PSD3: variants seen among roughly 807,000 people sequenced by gnomAD.
The protein encoded by PSD3 is PH and SEC7 domain-containing protein 3.
Under a neutral mutation model 105.5 loss-of-function variants are expected in PSD3, and 49 were observed. That is an observed-to-expected ratio of 0.46 (90% CI 0.37 to 0.59). The LOEUF (loss-of-function observed/expected upper bound fraction) is 0.59. Ranked by LOEUF, PSD3 falls within the 20% of genes least tolerant of loss-of-function variation. The pLI is 0.00. For missense variants in PSD3, 1,561 were observed against 1,263.8 expected (o/e 1.24, Z -3.57); for synonymous variants, 557 against 457.8 (o/e 1.22, Z -2.77).
In PSD3 at chr8:18,667,999, ACC is replaced by A. The variant is rs564962801; in HGVS notation, c.2173-12316_2173-12315del. ...CAAGTGTGGGGCCCGCGGAAGCCAC[ACC>A]CACCAAGAAATCGCGCTGGCCCGCA... is the stretch of plus-strand genomic sequence containing the variant. On this transcript the variant is annotated intron_variant, in intron 9 of 15. Transcript: ENST00000327040. 9.8e-5 allele frequency among the ~76,000 whole-genome samples: 15 copies of A among 152,302 alleles called. No homozygotes were observed. In the South Asian group the frequency reaches 3.1e-3, roughly 32 times the overall value.
At chr8:18,537,309 A>T (rs889975701) in intron 15 of PSD3, among the ~76,000 whole-genome samples, 25 of 152,246 alleles carry the variant, frequency 1.6e-4, no homozygotes, top group African/African-American at 5.8e-4. Flanking sequence ...TAAGGAAGAA[A>T]TGAAACTCGG....
intron 1 of PSD3, among the ~76,000 whole-genome samples, chr8:18,975,493 C>G (rs1824894001): frequency 6.6e-6 from 1 of 152,032 alleles, no homozygotes; most frequent in Non-Finnish European, 1.5e-5. Context: ...AACTATGGAA[C>G]TAGAGATAAG....
chr8:18,776,128 G>A (rs901431743), intron 8 of PSD3, among the ~76,000 whole-genome samples: 4 of 151,656 alleles, frequency 2.6e-5, no homozygotes, highest in Non-Finnish European at 5.9e-5. Context: ...TATGTTCTTG[G>A]AGCCTTTGTC....
intron 12 of PSD3, among the ~76,000 whole-genome samples, chr8:18,584,216 C>T (rs1404164467): frequency 1.3e-5 from 2 of 152,006 alleles, no homozygotes; most frequent in African/African-American, 4.8e-5. Flanking sequence ...TGGAGCCAGG[C>T]AAGTGCAATC....
At chr8:18,826,546 T>C (rs935182343) in intron 4 of PSD3, among the ~76,000 whole-genome samples, 1 of 152,212 alleles carries the variant, frequency 6.6e-6, no homozygotes, top group Non-Finnish European at 1.5e-5. Context: ...TCAAGATCTT[T>C]TGTATCTTTC....
At chr8:18,775,650 C>T (rs546973357) in intron 8 of PSD3, among the ~76,000 whole-genome samples, 14 of 152,278 alleles carry the variant, frequency 9.2e-5, no homozygotes, top group African/African-American at 3.1e-4. Context: ...AATACCTATT[C>T]AATCAAAAAT....
chr8:18,557,605 T>G (rs1801157007), intron 14 of PSD3: 1 of 153,418 alleles, frequency 6.5e-6, no homozygotes, highest in Non-Finnish European at 1.5e-5. Flanking sequence ...AAAGGTAGCA[T>G]GAACACGTGG....
intron 2 of PSD3, among the ~76,000 whole-genome samples, chr8:18,912,795 C>G (rs1363400847): frequency 2.0e-5 from 3 of 152,136 alleles, no homozygotes; most frequent in African/African-American, 7.2e-5. Flanking sequence ...CAAGCTAGTT[C>G]ATGATGGCCA....
intron 1 of PSD3, among the ~76,000 whole-genome samples, chr8:19,077,516 G>A (rs916795429): frequency 9.2e-5 from 14 of 152,058 alleles, no homozygotes; most frequent in Admixed American, 9.2e-4. Flanking sequence ...ATCTGACAAC[G>A]TCAACTCCAT....
intron 1 of PSD3, among the ~76,000 whole-genome samples, chr8:19,037,829 A>G (rs1827993802): frequency 6.6e-6 from 1 of 152,020 alleles, no homozygotes; most frequent in Non-Finnish European, 1.5e-5. Context: ...GTTTGCAGAT[A>G]GTGGATCATG....
intron 1 of PSD3, among the ~76,000 whole-genome samples, chr8:18,990,624 C>A (rs1825740212): frequency 6.6e-6 from 1 of 152,182 alleles, no homozygotes; most frequent in African/African-American, 2.4e-5. Flanking sequence ...TTCTCCTCAT[C>A]CCCACCCGGG....
At chr8:18,568,718 T>A (rs915889306) in intron 14 of PSD3, among the ~76,000 whole-genome samples, 2 of 146,090 alleles carry the variant, frequency 1.4e-5, no homozygotes, top group Admixed American at 6.9e-5. Flanking sequence ...TTTTTTTTTT[T>A]ATTATACTTT....
intron 8 of PSD3, among the ~76,000 whole-genome samples, chr8:18,792,169 G>C (rs1809783879): frequency 1.3e-5 from 2 of 152,142 alleles, no homozygotes; most frequent in Admixed American, 1.3e-4. Flanking sequence ...ATTCCTCAAA[G>C]ACCTAGAACC....
chr8:18,940,062 CA>C (rs1168555467), intron 1 of PSD3: 7 of 152,136 alleles, frequency 4.6e-5, no homozygotes, highest in African/African-American at 1.7e-4. Context: ...GAGTGGTTCT[CA>C]AAATTTATCA....
rs1243758333 is a variant in PSD3, at chr8:18,804,723, C to T, written c.1810G>A (p.Ala604Thr). 1.2e-6 allele frequency: 2 copies of T among 1,613,848 alleles called. No homozygotes were observed. The highest frequency in any genetic ancestry group is 1.1e-5 in the South Asian group (1 of 90,966). The change falls in exon 5 of 16, where the codon GCA (alanine) becomes ACA (threonine). Residue 604 changes from alanine to threonine, a missense_variant. Coordinates refer to ENST00000327040, the MANE Select transcript of PSD3 (RefSeq NM_015310.4). ...ACGTACTTCTTGCCAAGGTGTTTTG[C>T]AACATCTGATCTTTTGAATCTGTCC... Reference protein sequence around the residue: ...QLDRFKRSDVAKHLGKNNEFS... With the variant: ...QLDRFKRSDVTKHLGKNNEFS...
At chr8:18,557,829 A>T (rs1326858527) in intron 14 of PSD3, among the ~76,000 whole-genome samples, 1 of 152,250 alleles carries the variant, frequency 6.6e-6, no homozygotes, top group African/African-American at 2.4e-5. Context: ...GTTCTTACTC[A>T]TCTATTACTT....
intron 8 of PSD3, among the ~76,000 whole-genome samples, chr8:18,798,111 G>C (rs545687189): frequency 6.6e-6 from 1 of 152,264 alleles, no homozygotes; most frequent in East Asian, 1.9e-4. Context: ...ACATTAGATT[G>C]CGGTAGTCAT....
intron 1 of PSD3, among the ~76,000 whole-genome samples, chr8:18,943,295 A>G (rs1822668418): frequency 1.3e-5 from 2 of 152,220 alleles, no homozygotes; most frequent in South Asian, 2.1e-4. Flanking sequence ...AAGGAAAAAG[A>G]AAAAGTTTTA....
At chr8:18,825,392 T>G (rs906937960) in intron 4 of PSD3, among the ~76,000 whole-genome samples, 16 of 152,170 alleles carry the variant, frequency 1.1e-4, no homozygotes, top group Non-Finnish European at 2.2e-4. Context: ...AGAGTCAGAT[T>G]CACAGGTTCT....
Sources: gnomAD v4.1 joint callset for allele counts (sites outside exome capture counted in the v4.1 genomes callset) on GRCh38, gnomAD v4.1.1 for gene constraint, MANE v1.5 for transcripts, NCBI Gene and HGNC (gene_info 2026-07-23, HGNC 2026-07-21) for gene names.